The following SH3RF3 variants were observed in gnomAD, a reference collection of about 807,000 sequenced individuals.
The protein encoded by SH3RF3 is SH3 domain containing ring finger 3.
A neutral mutation model predicts 66.3 loss-of-function variants in SH3RF3; 29 were observed. The observed-to-expected ratio is 0.44, with a 90% CI of 0.33 to 0.60. The LOEUF is 0.60. SH3RF3 is among the 20% of genes least tolerant of loss of function. The pLI is 0.04. For missense variants in SH3RF3, 1,194 were observed against 1,190.9 expected (o/e 1.00, Z -0.04); for synonymous variants, 583 against 532.0 (o/e 1.10, Z -1.32).
Position 109,129,951 on chromosome 2 carries a change from G to A in SH3RF3, c.411G>A (p.Ala137=), listed in dbSNP as rs1378787033. 6.8e-7 allele frequency: 1 copy of A among 1,468,292 alleles called. No individual in the cohort carries two copies. The highest frequency in any genetic ancestry group is 2.3e-5 in the Admixed American group (1 of 43,256). The allele number at this position is 1,468,292 out of a possible 1,614,324, so 91.0% of individuals were successfully genotyped here. A position where few individuals can be genotyped will look rare whatever the true frequency, so the allele number is the denominator to read the frequency against. Residue 137 remains alanine (A), a synonymous_variant, in exon 1 of 10, where the codon GCG becomes GCA. Coordinates refer to ENST00000309415, the MANE Select transcript of SH3RF3 (RefSeq NM_001099289.3). ...AGTSPGGSPP[A]RPIPGQSAAP... is the part of the protein sequence containing the mutation. ...CCAGCCCCGGCGGCAGCCCGCCCGC[G>A]CGTCCCATCCCAGGCCAGAGTGCGG... is the stretch of plus-strand genomic sequence containing the variant.
At chr2:109,276,973 T>C (rs892741338) in intron 1 of SH3RF3, among the ~76,000 whole-genome samples, 2 of 152,098 alleles carry the variant, frequency 1.3e-5, no homozygotes, top group Admixed American at 1.3e-4. Context: ...ACTCGGCTTC[T>C]CCCTGAAAGG....
At chr2:109,284,557 T>G (rs730491) in intron 1 of SH3RF3, among the ~76,000 whole-genome samples, 65,137 of 152,030 alleles carry the variant, frequency 0.43, 14,354 homozygotes, top group African/African-American at 0.53. Context: ...GTGTTTGAAT[T>G]ATGTGTGGAG....
chr2:109,435,746 C>A (rs965007414), intron 6 of SH3RF3, among the ~76,000 whole-genome samples: 1 of 152,364 alleles, frequency 6.6e-6, no homozygotes, highest in African/African-American at 2.4e-5. Context: ...AGTGACTCAT[C>A]ATTTGTGAGC....
intron 8 of SH3RF3, among the ~76,000 whole-genome samples, chr2:109,489,792 C>T (rs1384326096): frequency 6.6e-6 from 1 of 152,146 alleles, no homozygotes; most frequent in South Asian, 2.1e-4. Context: ...GGCTGGAGTG[C>T]AGTGGCGCAA....
chr2:109,495,827 C>G (rs574603806), intron 9 of SH3RF3, among the ~76,000 whole-genome samples: 1 of 152,272 alleles, frequency 6.6e-6, no homozygotes, highest in South Asian at 2.1e-4. Flanking sequence ...TTTCCACATA[C>G]ATAAAATGGG....
intron 5 of SH3RF3, among the ~76,000 whole-genome samples, chr2:109,426,788 A>G (rs190730853): frequency 6.6e-6 from 1 of 152,144 alleles, no homozygotes; most frequent in Non-Finnish European, 1.5e-5. Context: ...GAAAGAGTCA[A>G]TGTAGCAAAC....
rs560238039 is a variant in SH3RF3, at chr2:109,492,842, G to A, written c.2480+1906G>A. ...TGTGGACATCGTGGGACATGTCACAGCTCCTCCAGGGGCTGCACCATTGTT... is the reference window on the plus strand; with the variant it reads ...TGTGGACATCGTGGGACATGTCACAACTCCTCCAGGGGCTGCACCATTGTT... On this transcript the variant is annotated intron_variant, in intron 9 of 9. Coordinates refer to ENST00000309415, the MANE Select transcript of SH3RF3 (RefSeq NM_001099289.3). Among the ~76,000 whole-genome samples, 14 of 152,170 alleles carry A rather than the reference G, an allele frequency of 9.2e-5. 1 individual carries two copies. In the East Asian group the frequency reaches 1.4e-3, roughly 15 times the overall value.
intron 1 of SH3RF3, among the ~76,000 whole-genome samples, chr2:109,322,165 G>A (rs548016306): frequency 6.6e-6 from 1 of 152,176 alleles, no homozygotes; most frequent in African/African-American, 2.4e-5. Context: ...GACAAGACAC[G>A]GATACACAGG....
At chr2:109,428,684 T>C (rs1244939505) in intron 5 of SH3RF3, among the ~76,000 whole-genome samples, 1 of 152,228 alleles carries the variant, frequency 6.6e-6, no homozygotes, top group Non-Finnish European at 1.5e-5. Flanking sequence ...AATCCCATGA[T>C]TGCCTTAAAT....
At chr2:109,483,753 C>T (rs914240323) in intron 8 of SH3RF3, among the ~76,000 whole-genome samples, 16 of 152,196 alleles carry the variant, frequency 1.1e-4, no homozygotes, top group East Asian at 1.9e-4. Context: ...CACAGTCCTT[C>T]GACCTGCTGT....
At chr2:109,303,777 C>T (rs993606264) in intron 1 of SH3RF3, among the ~76,000 whole-genome samples, 9 of 152,196 alleles carry the variant, frequency 5.9e-5, no homozygotes, top group Admixed American at 1.3e-4. Context: ...TTCTACATCT[C>T]GATGAGTCTG....
At chr2:109,377,034 C>A (rs2104362423) in intron 3 of SH3RF3, among the ~76,000 whole-genome samples, 1 of 152,372 alleles carries the variant, frequency 6.6e-6, no homozygotes, top group South Asian at 2.1e-4. Context: ...CGCTCAGAGT[C>A]CGGGCTATTT....
At chr2:109,381,267 G>A (rs1193969712) in intron 3 of SH3RF3, among the ~76,000 whole-genome samples, 1 of 152,218 alleles carries the variant, frequency 6.6e-6, no homozygotes, top group Non-Finnish European at 1.5e-5. Flanking sequence ...AAGTAACTGA[G>A]CTCCAATCTT....
intron 1 of SH3RF3, among the ~76,000 whole-genome samples, chr2:109,221,814 A>G (rs1212119092): frequency 3.3e-5 from 5 of 152,182 alleles, no homozygotes. Context: ...TCAGAAAACG[A>G]AAACTAGAAC....
At chr2:109,261,086 C>G (rs1318367632) in intron 1 of SH3RF3, among the ~76,000 whole-genome samples, 2 of 152,174 alleles carry the variant, frequency 1.3e-5, no homozygotes, top group Non-Finnish European at 2.9e-5. Flanking sequence ...TACACGGGTC[C>G]ATTTCTGCCA....
intron 1 of SH3RF3, among the ~76,000 whole-genome samples, chr2:109,279,210 G>C (rs545960099): frequency 6.6e-6 from 1 of 152,188 alleles, no homozygotes; most frequent in Non-Finnish European, 1.5e-5. Flanking sequence ...GACATGAAGC[G>C]TGCTATTAGC....
chr2:109,364,709 C>T (rs1480161205), intron 2 of SH3RF3, among the ~76,000 whole-genome samples: 1 of 152,148 alleles, frequency 6.6e-6, no homozygotes. Flanking sequence ...TTCTCAGTTT[C>T]CCCCACTCCT....
chr2:109,479,660 C>A (rs1696333407), intron 8 of SH3RF3, among the ~76,000 whole-genome samples: 1 of 152,106 alleles, frequency 6.6e-6, no homozygotes, highest in Non-Finnish European at 1.5e-5. Flanking sequence ...CAGAGCCCTG[C>A]ACTTTTGTCT....
At chr2:109,325,530 G>A (rs954080660) in intron 1 of SH3RF3, among the ~76,000 whole-genome samples, 3 of 151,654 alleles carry the variant, frequency 2.0e-5, no homozygotes, top group African/African-American at 2.4e-5. Flanking sequence ...TTGGTTCCCC[G>A]CTTCCCCCAG....
Sources: gnomAD v4.1 joint callset for allele counts (sites outside exome capture counted in the v4.1 genomes callset) on GRCh38, gnomAD v4.1.1 for gene constraint, MANE v1.5 for transcripts, NCBI Gene and HGNC (gene_info 2026-07-23, HGNC 2026-07-21) for gene names.